Variants in MPPED1 observed in about 807,000 individuals in gnomAD.
The protein encoded by MPPED1 is metallophosphoesterase domain containing 1.
MPPED1 carries 16 observed loss-of-function variants against 36.2 expected under a neutral mutation model. That is an observed-to-expected ratio of 0.44 (90% CI 0.30 to 0.67). MPPED1 has a LOEUF of 0.67. Ranked by LOEUF, MPPED1 falls within the 30% of genes least tolerant of loss-of-function variation. The probability of loss-of-function intolerance (pLI) is 0.10; values close to 1 mark genes in which losing one functional copy is unlikely to be tolerated. For missense variants in MPPED1, 307 were observed against 453.4 expected, an observed-to-expected ratio of 0.68 and a Z score of 2.93; for synonymous variants, 199 against 191.3, an observed-to-expected ratio of 1.04 and a Z score of -0.33.
chr22:43,467,600 A>T (rs539100738), intron 3 of MPPED1, among the ~76,000 whole-genome samples: 1 of 152,162 alleles, frequency 6.6e-6, no homozygotes, highest in Non-Finnish European at 1.5e-5. Context: ...ACCATGCGCC[A>T]TACCGAGAAG....
chr22:43,426,313 C>T (rs1601948408), intron 2 of MPPED1, among the ~76,000 whole-genome samples: 2 of 152,108 alleles, frequency 1.3e-5, no homozygotes, highest in African/African-American at 4.8e-5. Context: ...CTTCACCCGG[C>T]CACTCTGGGT....
chr22:43,441,671 G>C (rs747812067), intron 3 of MPPED1, among the ~76,000 whole-genome samples: 1 of 152,152 alleles, frequency 6.6e-6, no homozygotes, highest in Admixed American at 6.5e-5. Context: ...AGCATAACAC[G>C]ATATATGAGA....
intron 3 of MPPED1, among the ~76,000 whole-genome samples, chr22:43,447,761 C>A (rs963844255): frequency 1.4e-5 from 2 of 146,846 alleles, no homozygotes; most frequent in African/African-American, 5.0e-5. Context: ...CAGGGTATGC[C>A]CCTTCTCTGT....
intron 4 of MPPED1, among the ~76,000 whole-genome samples, chr22:43,482,828 G>C (rs757420659): frequency 5.9e-5 from 9 of 152,208 alleles, no homozygotes; most frequent in African/African-American, 1.7e-4. Flanking sequence ...GGCCTTTGAC[G>C]TCCGTTCCTT....
chr22:43,448,578 T>TTTTATTTATTTATTTA (rs135048), intron 3 of MPPED1, among the ~76,000 whole-genome samples: 12 of 147,240 alleles, frequency 8.1e-5, no homozygotes, highest in African/African-American at 3.0e-4. Context: ...TTTAAAATCT[T>TTTTATTTATTTATTTA]TTTATTTATT....
chr22:43,422,852 T>A (rs963047148), intron 1 of MPPED1, among the ~76,000 whole-genome samples: 2 of 152,124 alleles, frequency 1.3e-5, no homozygotes, highest in African/African-American at 4.8e-5. Context: ...TCAAATCTTT[T>A]CTTTCTTTTT....
intron 2 of MPPED1, among the ~76,000 whole-genome samples, chr22:43,432,201 A>G (rs1448625625): frequency 2.2e-5 from 1 of 45,352 alleles, no homozygotes; most frequent in Non-Finnish European, 5.6e-5. Context: ...CCTCAGAGGC[A>G]CACAGAGAGA....
intron 2 of MPPED1, among the ~76,000 whole-genome samples, chr22:43,430,244 C>G (rs1254362413): frequency 1.3e-5 from 2 of 152,216 alleles, no homozygotes; most frequent in Admixed American, 1.3e-4. Context: ...CTTCTGATGC[C>G]TCTCTGGGCT....
At chr22:43,428,126 A>C (rs1423611507) in intron 2 of MPPED1, among the ~76,000 whole-genome samples, 2 of 152,168 alleles carry the variant, frequency 1.3e-5, no homozygotes, top group Admixed American at 6.5e-5. Flanking sequence ...GCAGGCAGTT[A>C]GCAGATGGTC....
At chr22:43,435,279 C>T (rs910455848) in intron 3 of MPPED1, 64 bp downstream of exon 3, 20 of 1,513,982 alleles carry the variant, frequency 1.3e-5, no homozygotes, top group African/African-American at 8.2e-5. Context: ...CGCCAGCTCC[C>T]GAGGCTGCCT....
intron 3 of MPPED1, among the ~76,000 whole-genome samples, chr22:43,441,612 C>T (rs1380736340): frequency 6.6e-6 from 1 of 152,166 alleles, no homozygotes; most frequent in East Asian, 1.9e-4. Flanking sequence ...AGATGAGGGC[C>T]TGGTAATGGA....
At chr22:43,478,469 G>T (rs1401596918) in intron 4 of MPPED1, among the ~76,000 whole-genome samples, 1 of 152,150 alleles carries the variant, frequency 6.6e-6, no homozygotes. Context: ...ATCAATAAGA[G>T]CCATGAAGGA....
intron 4 of MPPED1, among the ~76,000 whole-genome samples, chr22:43,490,275 G>A (rs1468465968): frequency 6.6e-6 from 1 of 152,188 alleles, no homozygotes; most frequent in Non-Finnish European, 1.5e-5. Flanking sequence ...GATGGGGAGG[G>A]AAAAAGGAAC....
intron 3 of MPPED1, among the ~76,000 whole-genome samples, chr22:43,442,204 G>A (rs1480270422): frequency 6.6e-6 from 1 of 151,906 alleles, no homozygotes; most frequent in East Asian, 1.9e-4. Context: ...CGGATGGGAA[G>A]GTCCCCATCC....
rs573762318 is a variant in MPPED1, at chr22:43,490,570, C to T, written c.633-7665C>T. ...GGTCCACAGGGTCTCTGATATGTTT[C>T]CGAGTGTTTCCTTCAAATAACTGCC... On this transcript the variant is annotated intron_variant, in intron 4 of 6. Coordinates refer to ENST00000443721, the MANE Select transcript of MPPED1 (RefSeq NM_001044370.2). Among the ~76,000 whole-genome samples the T allele has an allele frequency of 3.3e-3, 507 of 152,294 alleles. 2 individuals are homozygous for T. Among genetic ancestry groups the T allele is most frequent in the Middle Eastern group, 0.02 (6 of 294 alleles).
At chr22:43,470,080 C>T (rs534244329) in intron 3 of MPPED1, among the ~76,000 whole-genome samples, 200 of 132,044 alleles carry the variant, frequency 1.5e-3, no homozygotes, top group African/African-American at 4.8e-3. Flanking sequence ...TCCATCCAGC[C>T]ACCCATCCAT....
chr22:43,441,030 C>A (rs1326283001), intron 3 of MPPED1, among the ~76,000 whole-genome samples: 1 of 152,104 alleles, frequency 6.6e-6, no homozygotes, highest in Non-Finnish European at 1.5e-5. Flanking sequence ...ACCACTCAGA[C>A]CCCCCAGCTC....
intron 4 of MPPED1, among the ~76,000 whole-genome samples, chr22:43,484,673 T>C (rs999277891): frequency 2.0e-5 from 3 of 152,218 alleles, no homozygotes; most frequent in African/African-American, 7.2e-5. Context: ...TGTTTCCCTT[T>C]CATCCCCTGC....
intron 3 of MPPED1, among the ~76,000 whole-genome samples, chr22:43,441,553 G>A (rs1057462472): frequency 6.6e-6 from 1 of 152,180 alleles, no homozygotes; most frequent in South Asian, 2.1e-4. Flanking sequence ...CACATGATGG[G>A]CCCATTAATT....
Sources: gnomAD v4.1 joint callset for allele counts (sites outside exome capture counted in the v4.1 genomes callset) on GRCh38, gnomAD v4.1.1 for gene constraint, MANE v1.5 for transcripts, NCBI Gene and HGNC (gene_info 2026-07-23, HGNC 2026-07-21) for gene names.